TXNRD1: variants seen among roughly 807,000 people sequenced by gnomAD.
The protein encoded by TXNRD1 is thioredoxin reductase 1, cytoplasmic.
TXNRD1 carries 57 observed loss-of-function variants against 80.3 expected under a neutral mutation model. The observed-to-expected ratio is 0.71, with a 90% CI of 0.57 to 0.89. The LOEUF is 0.89. TXNRD1 is among the 40% of genes least tolerant of loss of function. The pLI is 0.00. For missense variants in TXNRD1, 730 were observed against 803.0 expected (o/e 0.91, Z 1.10); for synonymous variants, 291 against 285.2 (o/e 1.02, Z -0.20).
In TXNRD1 at chr12:104,349,912, C is replaced by T. The variant is rs1378481804; in HGVS notation, c.*1491C>T. On this transcript the variant is annotated 3_prime_UTR_variant, in exon 17 of 17. Coordinates refer to ENST00000525566, the MANE Select transcript of TXNRD1 (RefSeq NM_001093771.3). ...CCGTCCCCCACAGGGCTCTGCCTCA[C>T]GTCCTCATCTCATTTGGCTGTGTAA... The T allele has an allele frequency of 6.6e-6, 1 of 152,572 alleles. No homozygotes were observed. The highest frequency in any genetic ancestry group is 1.5e-5 in the Non-Finnish European group (1 of 68,032). 9.5% of individuals were successfully genotyped at this position (152,572 alleles called of 1,614,324 possible).
intron 4 of TXNRD1, 97 bp downstream of exon 4, chr12:104,289,137 T>G (rs2034085248): frequency 7.0e-7 from 1 of 1,421,858 alleles, no homozygotes; most frequent in South Asian, 1.4e-5. Flanking sequence ...GATGTGACCC[T>G]CCAAACGGGA....
intron 4 of TXNRD1, among the ~76,000 whole-genome samples, chr12:104,297,765 T>TG (rs1425739570): frequency 1.3e-5 from 2 of 152,190 alleles, no homozygotes; most frequent in African/African-American, 4.8e-5. Context: ...AAACTAATAA[T>TG]GCAGATATTT....
intron 2 of TXNRD1, among the ~76,000 whole-genome samples, chr12:104,253,372 A>G (rs1398184179): frequency 8.2e-6 from 1 of 122,208 alleles, no homozygotes; most frequent in African/African-American, 3.2e-5. Flanking sequence ...TGGGAGTAGG[A>G]TTGCAAAGAG....
At chr12:104,265,619 G>A (rs1164484472) in intron 3 of TXNRD1, 1 of 1,607,290 alleles carries the variant, frequency 6.2e-7, no homozygotes, top group East Asian at 2.2e-5. Flanking sequence ...ACCACCGCAG[G>A]CGCTGTCACC....
chr12:104,255,798 A>G (rs575274498), intron 2 of TXNRD1, among the ~76,000 whole-genome samples: 37 of 152,332 alleles, frequency 2.4e-4, no homozygotes, highest in African/African-American at 8.9e-4. Context: ...TCTCAACAAC[A>G]ACAACAACAT....
At chr12:104,281,340 T>G (rs1449522978) in intron 3 of TXNRD1, among the ~76,000 whole-genome samples, 4 of 151,800 alleles carry the variant, frequency 2.6e-5, no homozygotes, top group Non-Finnish European at 5.9e-5. Flanking sequence ...GCCTTTATCA[T>G]CTCTAGCTTG....
chr12:104,334,182 G>T, intron 14 of TXNRD1, 55 bp from the exon 15 acceptor site: 2 of 849,182 alleles, frequency 2.4e-6, no homozygotes, highest in South Asian at 4.2e-5. Flanking sequence ...ATATATGTTT[G>T]ACAGACTTAA....
At position 104,265,427 on chromosome 12, in the gene TXNRD1, C is replaced by T. The variant is rs929495142; in HGVS notation, c.304+7348C>T. ...ATCTTTGCGCCTAATCATGTCGTCG[C>T]CAAGTCCCGCTTCTGGTACTTTGTA... On this transcript the variant is annotated intron_variant, in intron 3 of 16. Transcript: ENST00000525566. The T allele has an allele frequency of 3.7e-6, 6 of 1,603,480 alleles. No individual in the cohort carries two copies. The African/African-American group carries it at 6.7e-5, about 18-fold the overall frequency.
intron 16 of TXNRD1, among the ~76,000 whole-genome samples, chr12:104,344,900 C>CT (rs1449825276): frequency 1.3e-5 from 2 of 152,288 alleles, no homozygotes; most frequent in South Asian, 2.1e-4. Flanking sequence ...CCAAGGAAGT[C>CT]TTTTAGGGGT....
chr12:104,304,928 T>C, intron 4 of TXNRD1: 1 of 1,589,254 alleles, frequency 6.3e-7, no homozygotes, highest in Non-Finnish European at 8.5e-7. Context: ...TACATACTCC[T>C]CATACTAAAG....
chr12:104,235,392 C>A (rs892698280), intron 1 of TXNRD1, among the ~76,000 whole-genome samples: 10 of 152,084 alleles, frequency 6.6e-5, no homozygotes, highest in African/African-American at 2.4e-4. Flanking sequence ...GGTTGTTTAC[C>A]GTACCTAGGG....
chr12:104,304,250 C>T, intron 4 of TXNRD1: 1 of 1,614,022 alleles, frequency 6.2e-7, no homozygotes, highest in Non-Finnish European at 8.5e-7. Context: ...AAAGGCAAAG[C>T]AGTTAAACTC....
chr12:104,255,859 G>C (rs2033237834), intron 2 of TXNRD1, among the ~76,000 whole-genome samples: 1 of 152,130 alleles, frequency 6.6e-6, no homozygotes, highest in South Asian at 2.1e-4. Flanking sequence ...CAATCCCTGG[G>C]TATGTCAAGT....
Position 104,290,905 on chromosome 12 carries a change from T to C in TXNRD1, c.414+1865T>C. 7.2e-6 allele frequency: 4 copies of C among 558,988 alleles called. No homozygotes were observed. The South Asian group carries it at 9.0e-5, about 13-fold the overall frequency. 34.6% of individuals were successfully genotyped at this position (558,988 alleles called of 1,614,324 possible). On this transcript the variant is annotated intron_variant, in intron 4 of 16. Transcript: ENST00000525566. ...ATGGGAGTAAAAAGAGTCACTCTTTTTATAAGCTTTGGAACTCACTTAATT... is the reference window on the plus strand; with the variant it reads ...ATGGGAGTAAAAAGAGTCACTCTTTCTATAAGCTTTGGAACTCACTTAATT...
chr12:104,218,972 C>T (rs975477810), intron 1 of TXNRD1, among the ~76,000 whole-genome samples: 1 of 152,146 alleles, frequency 6.6e-6, no homozygotes, highest in Non-Finnish European at 1.5e-5. Flanking sequence ...AGAGATGGGT[C>T]TCACTCTGTT....
chr12:104,224,424 C>G (rs1204304495), intron 1 of TXNRD1, among the ~76,000 whole-genome samples: 1 of 152,070 alleles, frequency 6.6e-6, no homozygotes. Flanking sequence ...GAGTCTTGCT[C>G]TGTCCCCAGG....
At chr12:104,342,975 A>G (rs2036375731) in intron 16 of TXNRD1, among the ~76,000 whole-genome samples, 1 of 152,116 alleles carries the variant, frequency 6.6e-6, no homozygotes, top group Non-Finnish European at 1.5e-5. Flanking sequence ...AGTTGATAGT[A>G]CTTGGCAGCT....
rs185925344 is a variant in TXNRD1 at position 104,252,865 on chromosome 12, G to A, written c.243+1187G>A. 2.0e-4 allele frequency among the ~76,000 whole-genome samples: 30 copies of A among 150,644 alleles called. No individual in the cohort carries two copies. The East Asian group carries it at 5.5e-3, about 27-fold the overall frequency. On this transcript the variant is annotated intron_variant, in intron 2 of 16. Coordinates refer to ENST00000525566, the MANE Select transcript of TXNRD1 (RefSeq NM_001093771.3). Reference sequence around the variant, plus strand: ...CTACAGGTGCCCGCCACCACACCCCGCTAATTTTTTGTATTTTTAGTACAG... The same window carrying A: ...CTACAGGTGCCCGCCACCACACCCCACTAATTTTTTGTATTTTTAGTACAG...
intron 4 of TXNRD1, among the ~76,000 whole-genome samples, chr12:104,290,753 A>ATATATATATG (rs1315195074): frequency 5.8e-4 from 66 of 113,974 alleles, no homozygotes; most frequent in Non-Finnish European, 1.0e-3. Context: ...ATATATATAT[A>ATATATATATG]TATATGTATA....
Sources: allele counts gnomAD v4.1 joint callset (sites outside exome capture counted in the v4.1 genomes callset), GRCh38; gene constraint gnomAD v4.1.1; transcripts MANE v1.5; gene names NCBI Gene and HGNC (gene_info 2026-07-23, HGNC 2026-07-21).